The following NUP88 variants were observed in gnomAD, a reference collection of about 807,000 sequenced individuals.
The protein encoded by NUP88 is nucleoporin 88.
NUP88 carries 57 observed loss-of-function variants against 93.9 expected under a neutral mutation model. The observed-to-expected ratio is 0.61, with a 90% confidence interval of 0.49 to 0.76. The LOEUF is 0.76. Among genes scored for constraint, NUP88 ranks in the 30% least tolerant of loss-of-function variants. The probability of loss-of-function intolerance (pLI) is 0.00; values close to 1 mark genes in which losing one functional copy is unlikely to be tolerated. For synonymous variants in NUP88, 346 were observed against 336.8 expected, an observed-to-expected ratio of 1.03 and a Z score of -0.30; for missense variants, 911 against 901.0, an observed-to-expected ratio of 1.01 and a Z score of -0.14.
chr17:5,412,907 G>A (rs926606764), intron 3 of NUP88, among the ~76,000 whole-genome samples: 3 of 152,286 alleles, frequency 2.0e-5, no homozygotes, highest in Non-Finnish European at 4.4e-5. Context: ...AAAGTGCTGG[G>A]ATAACAGGAA....
chr17:5,401,030 C>A lies in NUP88; in HGVS notation c.1193-1380G>T, dbSNP rs141796513. 3.3e-4 allele frequency among the ~76,000 whole-genome samples: 50 copies of A among 152,092 alleles called. 1 individual carries two copies. In the East Asian group the frequency reaches 7.9e-3, roughly 24 times the overall value. ...AGACTAAAAGATAAACTACTGAATACCTATTATTATGTATAAATATTTATC... is the reference window on the plus strand; with the variant it reads ...AGACTAAAAGATAAACTACTGAATAACTATTATTATGTATAAATATTTATC... On this transcript the variant is annotated intron_variant, in intron 7 of 16. Coordinates refer to ENST00000573584, the MANE Select transcript of NUP88 (RefSeq NM_002532.6).
rs540570022 is a variant in NUP88 at position 5,391,213 on chromosome 17, G to A, written c.1484+348C>T. 5.3e-5 allele frequency among the ~76,000 whole-genome samples: 8 copies of A among 152,326 alleles called. No individual in the cohort carries two copies. In the East Asian group the frequency reaches 1.5e-3, roughly 29 times the overall value. ...GCTGCCCTGATGATTCCAGGAGGCA[G>A]TGCGGGTACGTGGCTTACTTCTGAG... On this transcript the variant is annotated intron_variant, in intron 10 of 16. Coordinates refer to ENST00000573584, the MANE Select transcript of NUP88 (RefSeq NM_002532.6).
intron 8 of NUP88, 138 bp from the exon 9 acceptor site, chr17:5,395,119 G>A: frequency 3.3e-6 from 2 of 611,306 alleles, no homozygotes; most frequent in Non-Finnish European, 5.8e-6. Flanking sequence ...TTCTGACATA[G>A]GCATACGCTT....
At chr17:5,403,591 T>A (rs914251906) in intron 7 of NUP88, among the ~76,000 whole-genome samples, 2 of 151,996 alleles carry the variant, frequency 1.3e-5, no homozygotes, top group African/African-American at 4.8e-5. Context: ...ACCTGGGAGA[T>A]GGAGGTTGCA....
rs147004693 is a variant in NUP88, at chr17:5,400,686, C to T, written c.1193-1036G>A. On this transcript the variant is annotated intron_variant, in intron 7 of 16. Transcript: ENST00000573584. The stretch of plus-strand genomic sequence containing the variant: ...TGTAGAAAACCTATGCTTATGCTTG[C>T]ATACATCGACTTAAATAAAATTGTT... Among the ~76,000 whole-genome samples the T allele has an allele frequency of 3.0e-3, 455 of 152,258 alleles. 1 individual carries two copies. Among genetic ancestry groups the T allele is most frequent in the Middle Eastern group, 0.02 (6 of 294 alleles).
chr17:5,391,766 G>A (rs1912452212), intron 9 of NUP88, 104 bp from the exon 10 acceptor site: 7 of 851,350 alleles, frequency 8.2e-6, no homozygotes, highest in African/African-American at 1.7e-5. Context: ...GGCTGAAGTT[G>A]CTTGGGACAT....
intron 8 of NUP88, among the ~76,000 whole-genome samples, chr17:5,398,330 C>T (rs147442066): frequency 7.9e-5 from 12 of 152,268 alleles, no homozygotes; most frequent in Non-Finnish European, 1.6e-4. Context: ...TGCTCTGTCA[C>T]CCAGGCTGGA....
In NUP88 at chr17:5,386,154, G is replaced by A; in HGVS notation, c.*52C>T. 4 of 1,388,802 alleles carry A rather than the reference G, an allele frequency of 2.9e-6. No individual in the cohort carries two copies. Among genetic ancestry groups the A allele is most frequent in the South Asian group, 2.5e-5 (2 of 80,364 alleles). 86.0% of individuals were successfully genotyped at this position (1,388,802 alleles called of 1,614,324 possible). ...TAATTCTACCTGTTTTACAATATGG[G>A]TTTAAGCCTTCAATGGTGTTCAGTT... On this transcript the variant is annotated 3_prime_UTR_variant, in exon 17 of 17. Coordinates refer to ENST00000573584, the MANE Select transcript of NUP88 (RefSeq NM_002532.6).
In NUP88 at chr17:5,387,897, C is replaced by T; in HGVS notation, c.1651G>A (p.Glu551Lys). Residue 551 changes from glutamate to lysine, a missense_variant, in exon 12 of 17, where the codon GAA becomes AAA. Physicochemically the swap from Glu to Lys is moderately conservative, Grantham distance 56 (BLOSUM62 1). Transcript: ENST00000573584. Reference protein sequence around the residue: ...VANPAFLKASEKDIAPPPEEC... With the variant: ...VANPAFLKASKKDIAPPPEEC... Reference sequence around the variant, plus strand: ...TCAGGAGGAGGGGCTATGTCCTTTTCAGAAGCTCTTAAAAACAAAGTTTCT... The same window carrying T: ...TCAGGAGGAGGGGCTATGTCCTTTTTAGAAGCTCTTAAAAACAAAGTTTCT... The T allele has an allele frequency of 6.2e-7, 1 of 1,612,688 alleles. No homozygotes were observed. Among genetic ancestry groups the T allele is most frequent in the Non-Finnish European group, 8.5e-7 (1 of 1,179,454 alleles).
At chr17:5,408,274 C>T (rs1433666976) in intron 5 of NUP88, among the ~76,000 whole-genome samples, 3 of 152,218 alleles carry the variant, frequency 2.0e-5, no homozygotes, top group Admixed American at 1.3e-4. Flanking sequence ...TCCTTCTCTA[C>T]GAAAATTTCC....
rs1806227 is a variant in NUP88, at chr17:5,388,735, G to A, written c.1643+67C>T. 4,375 of 1,373,990 alleles carry A rather than the reference G, an allele frequency of 3.2e-3. 109 individuals are homozygous for A. The African/African-American group carries it at 0.055, about 17-fold the overall frequency. The allele number at this position is 1,373,990 out of a possible 1,614,324, so 85.1% of individuals were successfully genotyped here. A position where few individuals can be genotyped will look rare whatever the true frequency, so the allele number is the denominator to read the frequency against. ...ATATGAAACAGATGAGGACAGAAAG[G>A]ATGCACAGTAATTCTGAAGACAGAA... is the stretch of plus-strand genomic sequence containing the variant. On this transcript the variant is annotated intron_variant, in intron 11 of 16. Coordinates refer to ENST00000573584, the MANE Select transcript of NUP88 (RefSeq NM_002532.6).
chr17:5,396,968 T>A (rs1912815324), intron 8 of NUP88, among the ~76,000 whole-genome samples: 1 of 152,164 alleles, frequency 6.6e-6, no homozygotes, highest in Admixed American at 6.5e-5. Flanking sequence ...TCCATACGAG[T>A]CCATTATCAC....
At chr17:5,418,474 G>A (rs1379490187) in intron 1 of NUP88, among the ~76,000 whole-genome samples, 1 of 152,066 alleles carries the variant, frequency 6.6e-6, no homozygotes, top group Non-Finnish European at 1.5e-5. Flanking sequence ...GGCTGGTCTC[G>A]AATTCCTGAC....
Position 5,408,907 on chromosome 17 carries a change from C to A in NUP88, c.683G>T (p.Arg228Met), listed in dbSNP as rs766561972. Residue 228 changes from arginine to methionine, a missense_variant and splice_region_variant, in exon 5 of 17, where the codon AGG becomes ATG. Coordinates refer to ENST00000573584, the MANE Select transcript of NUP88 (RefSeq NM_002532.6). Reference protein sequence around the residue: ...EEESLVLNKGRAYTASLGETA... With the variant: ...EEESLVLNKGMAYTASLGETA... ...CTCTCCTAGAGATGCGGTATACGCCCTTCTGGAAAGAGATGTAAAAACCAA... is the reference window on the plus strand; with the variant it reads ...CTCTCCTAGAGATGCGGTATACGCCATTCTGGAAAGAGATGTAAAAACCAA... 17 of 1,560,048 alleles carry A rather than the reference C, an allele frequency of 1.1e-5. No individual in the cohort carries two copies. In the Admixed American group the frequency reaches 3.2e-4, roughly 30 times the overall value.
At chr17:5,414,918 GATCA>G (rs2151648583) in intron 2 of NUP88, among the ~76,000 whole-genome samples, 1 of 151,890 alleles carries the variant, frequency 6.6e-6, no homozygotes, top group East Asian at 2.0e-4. Flanking sequence ...AGTGAGCTGA[GATCA>G]CGCCACTGCA....
rs114993922 is a variant in NUP88 at position 5,385,059 on chromosome 17, G to C, written c.*1147C>G. On this transcript the variant is annotated 3_prime_UTR_variant, in exon 17 of 17. Transcript: ENST00000573584. ...ACCTTACAGATATTTTTCTCCAGAA[G>C]ATGGTGCTGGGTAATAAAATCATCA... The C allele has an allele frequency of 4.9e-3, 1,125 of 229,084 alleles. 11 individuals carry two copies. The highest frequency in any genetic ancestry group is 0.02 in the African/African-American group (904 of 45,274). 14.2% of individuals were successfully genotyped at this position (229,084 alleles called of 1,614,324 possible). A position where few individuals can be genotyped will look rare whatever the true frequency, so the allele number is the denominator to read the frequency against.
chr17:5,416,599 T>C lies in NUP88; in HGVS notation c.381A>G (p.Gly127=). 1 of 1,612,488 alleles carries C rather than the reference T, an allele frequency of 6.2e-7. No individual in the cohort carries two copies. The highest frequency in any genetic ancestry group is 8.5e-7 in the Non-Finnish European group (1 of 1,179,240). ...ATTCTAATACCATAAGTCCTTTTAT[T>C]CCTATAAGTGCTACATGATGTTGTG... ...SPTQHHVALI[G]IKGLMVLELP... Residue 127 remains glycine, a synonymous_variant, in exon 2 of 17, where the codon GGA becomes GGG. Coordinates refer to ENST00000573584, the MANE Select transcript of NUP88 (RefSeq NM_002532.6).
At chr17:5,411,402 A>G (rs1392486654) in intron 3 of NUP88, among the ~76,000 whole-genome samples, 1 of 152,060 alleles carries the variant, frequency 6.6e-6, no homozygotes. Context: ...CGTCTCTACT[A>G]AAAATACAAA....
At chr17:5,391,501 C>T (rs918278941) in intron 10 of NUP88, 60 bp downstream of exon 10, 1 of 1,406,584 alleles carries the variant, frequency 7.1e-7, no homozygotes, top group African/African-American at 1.4e-5. Context: ...AGTGCATTTT[C>T]CCAACTTAGA....
Sources: allele counts gnomAD v4.1 joint callset (sites outside exome capture counted in the v4.1 genomes callset), GRCh38; gene constraint gnomAD v4.1.1; transcripts MANE v1.5; gene names NCBI Gene and HGNC (gene_info 2026-07-23, HGNC 2026-07-21).